Variants in UGGT1 observed in about 807,000 individuals in gnomAD.
The protein encoded by UGGT1 is UDP-glucose glycoprotein glucosyltransferase 1, also known as UDP-glucose:glycoprotein glucosyltransferase 1.
Under a neutral mutation model 203.9 loss-of-function variants are expected in UGGT1, and 107 were observed. The ratio of observed to expected loss-of-function variants is 0.52; its 90% CI spans 0.45 to 0.62. The LOEUF (loss-of-function observed/expected upper bound fraction) is 0.62, where lower values mean the gene tolerates loss of function less well. Among genes scored for constraint, UGGT1 ranks in the 20% least tolerant of loss-of-function variants. The pLI is 0.00. For synonymous variants in UGGT1, 628 were observed against 653.5 expected, an observed-to-expected ratio of 0.96 and a Z score of 0.59; for missense variants, 1,673 against 1,867.2, an observed-to-expected ratio of 0.90 and a Z score of 1.92.
Position 128,096,431 on chromosome 2 carries a change from T to C in UGGT1, c.59-998T>C, listed in dbSNP as rs116476774. Among the ~76,000 whole-genome samples the C allele has an allele frequency of 1.8e-3, 279 of 152,292 alleles. 1 individual carries two copies. Among genetic ancestry groups the C allele is most frequent in the African/African-American group, 6.3e-3 (261 of 41,546 alleles). ...CAGGACCACGTTCCCGCTGAAATCT[T>C]TGGAGGAAGAATCTTTCTTTGACTC... On this transcript the variant is annotated intron_variant, in intron 1 of 40. Coordinates refer to ENST00000259253, the MANE Select transcript of UGGT1 (RefSeq NM_020120.4).
intron 34 of UGGT1, 123 bp downstream of exon 34, chr2:128,178,692 A>G: frequency 1.3e-6 from 1 of 799,900 alleles, no homozygotes; most frequent in Admixed American, 2.9e-5. Context: ...CACTCTGAGC[A>G]TTGTGACTGG....
intron 3 of UGGT1, among the ~76,000 whole-genome samples, chr2:128,104,448 A>G (rs1687513336): frequency 6.6e-6 from 1 of 152,210 alleles, no homozygotes; most frequent in African/African-American, 2.4e-5. Context: ...CCAGCCACCC[A>G]CAACTTGAGT....
chr2:128,167,870 G>A (rs1232510348), intron 26 of UGGT1, among the ~76,000 whole-genome samples: 1 of 151,986 alleles, frequency 6.6e-6, no homozygotes, highest in Non-Finnish European at 1.5e-5. Context: ...TGGTGTGCCT[G>A]TTGCTGATCA....
intron 2 of UGGT1, among the ~76,000 whole-genome samples, chr2:128,100,204 T>C (rs2105339199): frequency 6.6e-6 from 1 of 151,858 alleles, no homozygotes; most frequent in East Asian, 1.9e-4. Context: ...GCCTGGCTAA[T>C]TTTTATATTT....
intron 2 of UGGT1, chr2:128,103,028 CTG>C: frequency 2.1e-6 from 1 of 467,700 alleles, no homozygotes; most frequent in South Asian, 1.6e-5. Flanking sequence ...TTTAGAGAAG[CTG>C]TGCATTACCA....
rs1243052020 is a variant in UGGT1, at chr2:128,186,702, T to G, written c.4379T>G (p.Ile1460Ser). ...AAACAGGATCTGCCCAATAACATGATTCATCAGGTGCCAATTAAATCCCTC... is the reference window on the plus strand; with the variant it reads ...AAACAGGATCTGCCCAATAACATGAGTCATCAGGTGCCAATTAAATCCCTC... The part of the protein sequence containing the change: ...NLDQDLPNNM[I>S]HQVPIKSLPQ... Residue 1460 changes from isoleucine to serine, a missense_variant, in exon 39 of 41, where the codon ATT (isoleucine) becomes AGT (serine). Physicochemically the swap from Ile to Ser is moderately radical, Grantham distance 142 (BLOSUM62 -2). Coordinates refer to ENST00000259253, the MANE Select transcript of UGGT1 (RefSeq NM_020120.4). 1 of 1,613,458 alleles carries G rather than the reference T, an allele frequency of 6.2e-7. No individual in the cohort carries two copies. Among genetic ancestry groups the G allele is most frequent in the African/African-American group, 1.3e-5 (1 of 74,886 alleles).
rs1691516556 is a variant in UGGT1, at chr2:128,178,548, A to G, written c.3794A>G (p.His1265Arg). 2 of 1,613,152 alleles carry G rather than the reference A, an allele frequency of 1.2e-6. No individual in the cohort carries two copies. Among genetic ancestry groups the G allele is most frequent in the East Asian group, 2.2e-5 (1 of 44,872 alleles). The change falls in exon 34 of 41, where the codon CAT (histidine) becomes CGT (arginine). Residue 1265 changes from histidine to arginine, a missense_variant. His to Arg is a conservative substitution (Grantham distance 29). Coordinates refer to ENST00000259253, the MANE Select transcript of UGGT1 (RefSeq NM_020120.4). The stretch of plus-strand genomic sequence containing the variant: ...AATATTTTCTCCGTTGCATCTGGTC[A>G]TCTCTACGAAAGATTTCTTCGGTCA... ...IINIFSVASG[H>R]LYERFLRIMM...
intron 35 of UGGT1, among the ~76,000 whole-genome samples, chr2:128,180,127 A>G (rs1173886386): frequency 6.6e-6 from 1 of 152,222 alleles, no homozygotes; most frequent in African/African-American, 2.4e-5. Context: ...TCTTACTGAG[A>G]TAACGTTTCC....
chr2:128,163,190 G>A (rs1012011466), intron 25 of UGGT1, among the ~76,000 whole-genome samples: 2 of 152,192 alleles, frequency 1.3e-5, no homozygotes, highest in African/African-American at 4.8e-5. Flanking sequence ...ATCACAGGAA[G>A]AGAATGGCCT....
At chr2:128,093,164 A>G (rs879698355) in intron 1 of UGGT1, among the ~76,000 whole-genome samples, 2 of 152,040 alleles carry the variant, frequency 1.3e-5, no homozygotes, top group Non-Finnish European at 1.5e-5. Context: ...TTTCATCTCA[A>G]ATGGTGCTGC....
intron 33 of UGGT1, among the ~76,000 whole-genome samples, chr2:128,178,149 C>T (rs555477286): frequency 2.0e-5 from 3 of 152,192 alleles, no homozygotes; most frequent in Non-Finnish European, 4.4e-5. Context: ...CTTTGTGACT[C>T]TCATTGCCTG....
chr2:128,167,009 G>A (rs1206063507), intron 26 of UGGT1, among the ~76,000 whole-genome samples: 1 of 152,170 alleles, frequency 6.6e-6, no homozygotes, highest in Admixed American at 6.5e-5. Flanking sequence ...CTGGTTGTGT[G>A]TCCTAATTTT....
chr2:128,119,642 C>T (rs963373497), intron 8 of UGGT1, among the ~76,000 whole-genome samples: 2 of 152,170 alleles, frequency 1.3e-5, no homozygotes, highest in Non-Finnish European at 2.9e-5. Flanking sequence ...AGCATGTAGG[C>T]TAAAGGAAAC....
chr2:128,150,588 C>T lies in UGGT1; in HGVS notation c.2017-2196C>T, dbSNP rs556418222. On this transcript the variant is annotated intron_variant, in intron 18 of 40. Coordinates refer to ENST00000259253, the MANE Select transcript of UGGT1 (RefSeq NM_020120.4). ...GTGTGTGTGTGTGTCTGTGTGTGCA[C>T]GCATGTGTGCATGTGTGTGTATACA... Among the ~76,000 whole-genome samples the T allele has an allele frequency of 4.0e-5, 6 of 151,436 alleles. 1 individual carries two copies. The South Asian group carries it at 1.0e-3, about 26-fold the overall frequency.
At chr2:128,173,278 G>A (rs1488762228) in intron 29 of UGGT1, among the ~76,000 whole-genome samples, 1 of 152,094 alleles carries the variant, frequency 6.6e-6, no homozygotes, top group African/African-American at 2.4e-5. Context: ...ATCCTTTCAC[G>A]AATGGACATT....
At chr2:128,114,602 T>G (rs1688013132) in intron 6 of UGGT1, among the ~76,000 whole-genome samples, 1 of 152,200 alleles carries the variant, frequency 6.6e-6, no homozygotes, top group African/African-American at 2.4e-5. Flanking sequence ...GCATTTAAAT[T>G]TAATAAAAAG....
In UGGT1 at chr2:128,190,637, A is replaced by G. The variant is rs1692214165; in HGVS notation, c.*895A>G. 6.6e-6 allele frequency: 1 copy of G among 152,236 alleles called. No homozygotes were observed. Among genetic ancestry groups the G allele is most frequent in the South Asian group, 2.1e-4 (1 of 4,834 alleles). The allele number at this position is 152,236 out of a possible 1,614,324, so 9.4% of individuals were successfully genotyped here. On this transcript the variant is annotated 3_prime_UTR_variant, in exon 41 of 41. Transcript: ENST00000259253. Reference sequence around the variant, plus strand: ...ACCAGTTTCCTTACTGAATACAGCCATACTCAGCCCCTCTCGCATCCAGCC... The same window carrying G: ...ACCAGTTTCCTTACTGAATACAGCCGTACTCAGCCCCTCTCGCATCCAGCC...
Position 128,120,057 on chromosome 2 carries a change from G to A in UGGT1, c.873-299G>A, listed in dbSNP as rs1035427735. On this transcript the variant is annotated intron_variant, in intron 8 of 40. Transcript: ENST00000259253. ...CTCCTCAGTGGCTGGGATTACAGGC[G>A]TGAGCCACCACACCTGGCCTGAAAA... Among the ~76,000 whole-genome samples, 7 of 151,894 alleles carry A rather than the reference G, an allele frequency of 4.6e-5. No homozygotes were observed. The East Asian group carries it at 1.2e-3, about 25-fold the overall frequency.
intron 40 of UGGT1, 125 bp from the exon 41 acceptor site, chr2:128,189,592 G>A (rs1247826290): frequency 3.1e-6 from 3 of 965,800 alleles, no homozygotes; most frequent in African/African-American, 3.3e-5. Flanking sequence ...CAAAGATTTA[G>A]TAAGTGAGAT....
Sources: allele counts gnomAD v4.1 joint callset (sites outside exome capture counted in the v4.1 genomes callset), GRCh38; gene constraint gnomAD v4.1.1; transcripts MANE v1.5; gene names NCBI Gene and HGNC (gene_info 2026-07-23, HGNC 2026-07-21).